SRRM4: variants seen among roughly 807,000 people sequenced by gnomAD.
The protein encoded by SRRM4 is serine/arginine repetitive matrix protein 4.
Under a neutral mutation model 68.9 loss-of-function variants are expected in SRRM4, and 33 were observed. The ratio of observed to expected loss-of-function variants is 0.48; its 90% confidence interval spans 0.36 to 0.64. The LOEUF is 0.64. Ranked by LOEUF, SRRM4 falls within the 30% of genes least tolerant of loss-of-function variation. SRRM4 has a pLI of 0.00. For synonymous variants in SRRM4, 318 were observed against 318.8 expected (o/e 1.00, Z 0.03); for missense variants, 817 against 827.1 (o/e 0.99, Z 0.15).
At chr12:119,059,192 C>T (rs1265523033) in intron 1 of SRRM4, among the ~76,000 whole-genome samples, 8 of 152,104 alleles carry the variant, frequency 5.3e-5, no homozygotes, top group Non-Finnish European at 1.0e-4. Flanking sequence ...CCCTACCCAC[C>T]CTGTCCCTTT....
chr12:118,997,566 CT>C (rs1322352660), intron 1 of SRRM4, among the ~76,000 whole-genome samples: 2 of 152,138 alleles, frequency 1.3e-5, no homozygotes, highest in Non-Finnish European at 2.9e-5. Flanking sequence ...TCCATAAATC[CT>C]TTTCCCTAAG....
At chr12:119,086,323 A>G (rs1413639168) in intron 1 of SRRM4, among the ~76,000 whole-genome samples, 1 of 152,156 alleles carries the variant, frequency 6.6e-6, no homozygotes, top group Non-Finnish European at 1.5e-5. Flanking sequence ...TGGCTGAGAG[A>G]TGTCTGATCC....
intron 1 of SRRM4, among the ~76,000 whole-genome samples, chr12:119,066,147 C>T (rs1316905257): frequency 6.6e-6 from 1 of 152,132 alleles, no homozygotes; most frequent in Admixed American, 6.5e-5. Flanking sequence ...TAGTCTCAGT[C>T]CTAATGTGTC....
At chr12:119,068,987 G>T (rs1005076605) in intron 1 of SRRM4, among the ~76,000 whole-genome samples, 8 of 152,078 alleles carry the variant, frequency 5.3e-5, no homozygotes, top group African/African-American at 1.9e-4. Flanking sequence ...TTTCCTGCCT[G>T]TGTAGCTCCA....
chr12:119,066,321 A>C (rs1348925760), intron 1 of SRRM4, among the ~76,000 whole-genome samples: 1 of 152,228 alleles, frequency 6.6e-6, no homozygotes, highest in Non-Finnish European at 1.5e-5. Context: ...CCATTTATAG[A>C]TGGAAAGAAA....
chr12:119,035,071 A>T (rs1315556831), intron 1 of SRRM4, among the ~76,000 whole-genome samples: 2 of 152,154 alleles, frequency 1.3e-5, no homozygotes, highest in East Asian at 3.9e-4. Context: ...CTAACTTCTT[A>T]CTTGGCCACA....
chr12:118,998,120 A>G (rs1351789458), intron 1 of SRRM4, among the ~76,000 whole-genome samples: 1 of 152,084 alleles, frequency 6.6e-6, no homozygotes, highest in Non-Finnish European at 1.5e-5. Context: ...CACTATTTGC[A>G]TACATCTGGG....
chr12:119,027,434 G>A (rs376509122), intron 1 of SRRM4, among the ~76,000 whole-genome samples: 12 of 152,104 alleles, frequency 7.9e-5, no homozygotes, highest in South Asian at 6.2e-4. Flanking sequence ...ATTTTCCTTC[G>A]TGATGTCAAC....
Position 119,160,508 on chromosome 12 carries a change from T to C in SRRM4, c.*3710T>C, listed in dbSNP as rs1954506212. 1 of 152,150 alleles carries C rather than the reference T, an allele frequency of 6.6e-6. No homozygotes were observed. Among genetic ancestry groups the C allele is most frequent in the Admixed American group, 6.5e-5 (1 of 15,282 alleles). The allele number at this position is 152,150 out of a possible 1,614,324, so 9.4% of individuals were successfully genotyped here. A position where few individuals can be genotyped will look rare whatever the true frequency, so the allele number is the denominator to read the frequency against. ...TGACAGATCACCAGGATGCTGCTCG[T>C]CGTGAGGATTTATCTCAAAAACCAA... On this transcript the variant is annotated 3_prime_UTR_variant, in exon 13 of 13. Coordinates refer to ENST00000267260, the MANE Select transcript of SRRM4 (RefSeq NM_194286.4).
chr12:119,103,129 C>T (rs552261479), intron 2 of SRRM4, among the ~76,000 whole-genome samples: 3 of 152,250 alleles, frequency 2.0e-5, no homozygotes, highest in African/African-American at 7.2e-5. Flanking sequence ...TCAGCATATG[C>T]TTATAAAGTC....
chr12:119,151,315 G>A (rs1210105004), intron 10 of SRRM4, 95 bp downstream of exon 10: 16 of 1,190,362 alleles, frequency 1.3e-5, no homozygotes, highest in Non-Finnish European at 2.0e-5. Flanking sequence ...AGAGAAGTCA[G>A]ACGGACTTAG....
chr12:119,130,615 GC>G, intron 7 of SRRM4, 62 bp from the exon 8 acceptor site: 1 of 1,519,438 alleles, frequency 6.6e-7, no homozygotes, highest in Non-Finnish European at 8.9e-7. Context: ...TGTTGGTCCT[GC>G]ATACATCTCC....
At chr12:119,084,640 G>A (rs538884363) in intron 1 of SRRM4, among the ~76,000 whole-genome samples, 1 of 152,216 alleles carries the variant, frequency 6.6e-6, no homozygotes, top group South Asian at 2.1e-4. Context: ...GACGGATGGA[G>A]GGCCCATCAT....
At chr12:119,091,622 G>A (rs1954014840) in intron 1 of SRRM4, among the ~76,000 whole-genome samples, 1 of 152,180 alleles carries the variant, frequency 6.6e-6, no homozygotes, top group Non-Finnish European at 1.5e-5. Context: ...CATTCTTGCA[G>A]CAACCTTGTA....
At chr12:119,068,129 T>C (rs1344629445) in intron 1 of SRRM4, among the ~76,000 whole-genome samples, 1 of 152,220 alleles carries the variant, frequency 6.6e-6, no homozygotes, top group African/African-American at 2.4e-5. Flanking sequence ...CTGAGAATCA[T>C]CTGGCCCCTT....
intron 8 of SRRM4, among the ~76,000 whole-genome samples, chr12:119,139,297 T>A (rs1954349979): frequency 6.6e-6 from 1 of 152,128 alleles, no homozygotes; most frequent in Non-Finnish European, 1.5e-5. Context: ...TGCTCACAAC[T>A]CTAATGTCTC....
chr12:119,051,287 G>A (rs1055471493), intron 1 of SRRM4, among the ~76,000 whole-genome samples: 33 of 152,164 alleles, frequency 2.2e-4, no homozygotes, highest in African/African-American at 8.0e-4. Context: ...GTGGGTGACA[G>A]CTCACATATT....
intron 6 of SRRM4, among the ~76,000 whole-genome samples, chr12:119,123,147 A>G (rs925260575): frequency 2.0e-5 from 3 of 152,162 alleles, no homozygotes; most frequent in Admixed American, 1.3e-4. Context: ...GCCAGGGAGG[A>G]AAAAGAGGAG....
intron 1 of SRRM4, among the ~76,000 whole-genome samples, chr12:119,065,044 T>C (rs1003048774): frequency 5.3e-5 from 8 of 152,216 alleles, no homozygotes; most frequent in Non-Finnish European, 1.2e-4. Context: ...ATATATTATG[T>C]ATTATCTCAC....
Sources: gnomAD v4.1 joint callset for allele counts (sites outside exome capture counted in the v4.1 genomes callset) on GRCh38, gnomAD v4.1.1 for gene constraint, MANE v1.5 for transcripts, NCBI Gene and HGNC (gene_info 2026-07-23, HGNC 2026-07-21) for gene names.